Variants in SYN2 observed in about 807,000 individuals in gnomAD.
SYN2 encodes synapsin-2.
Under a neutral mutation model 50.9 loss-of-function variants are expected in SYN2, and 19 were observed. The observed-to-expected ratio is 0.37, with a 90% CI of 0.26 to 0.55. The LOEUF (loss-of-function observed/expected upper bound fraction) is 0.55, where lower values mean the gene tolerates loss of function less well. Ranked by LOEUF, SYN2 falls within the 20% of genes least tolerant of loss-of-function variation. SYN2 has a pLI of 0.81. For synonymous variants in SYN2, 255 were observed against 224.9 expected (o/e 1.13, Z -1.20); for missense variants, 587 against 576.4 (o/e 1.02, Z -0.19).
At chr3:12,188,441 G>T (rs1157958528) in intron 12 of SYN2, among the ~76,000 whole-genome samples, 7 of 152,182 alleles carry the variant, frequency 4.6e-5, no homozygotes, top group African/African-American at 1.2e-4. Flanking sequence ...GTAGCCTTAG[G>T]GGGATGGTAA....
intron 1 of SYN2, among the ~76,000 whole-genome samples, chr3:12,120,782 A>G (rs1367721201): frequency 2.0e-5 from 3 of 152,100 alleles, no homozygotes; most frequent in Admixed American, 6.5e-5. Flanking sequence ...CTACCTCTAT[A>G]TTTTATTTCC....
chr3:12,048,374 G>A (rs1401432933), intron 1 of SYN2, among the ~76,000 whole-genome samples: 1 of 152,104 alleles, frequency 6.6e-6, no homozygotes, highest in Non-Finnish European at 1.5e-5. Flanking sequence ...TGCCATGTTG[G>A]CCAGGCTGGT....
At chr3:12,010,449 T>C (rs1055191391) in intron 1 of SYN2, among the ~76,000 whole-genome samples, 1 of 152,224 alleles carries the variant, frequency 6.6e-6, no homozygotes, top group African/African-American at 2.4e-5. Context: ...GACAGGCATT[T>C]AAAGAGGATT....
intron 1 of SYN2, among the ~76,000 whole-genome samples, chr3:12,096,027 C>T (rs895976417): frequency 2.0e-5 from 3 of 152,154 alleles, no homozygotes; most frequent in Non-Finnish European, 4.4e-5. Flanking sequence ...ATAAATAGTA[C>T]AACCATCAAC....
At chr3:12,160,336 GTTC>G (rs1273998500) in intron 5 of SYN2, among the ~76,000 whole-genome samples, 2 of 152,138 alleles carry the variant, frequency 1.3e-5, no homozygotes, top group African/African-American at 2.4e-5. Context: ...GCCCTTTGAA[GTTC>G]TTCTTCCCAT....
At chr3:12,050,711 C>CTTTTTTTTTTTTGTT (rs1694839372) in intron 1 of SYN2, among the ~76,000 whole-genome samples, 1 of 50,528 alleles carries the variant, frequency 2.0e-5, no homozygotes, top group Non-Finnish European at 4.6e-5. Flanking sequence ...CTTCTCTTCT[C>CTTTTTTTTTTTTGTT]TTTTTTTTTT....
At chr3:12,181,394 G>A (rs1208598969) in intron 10 of SYN2, among the ~76,000 whole-genome samples, 1 of 152,212 alleles carries the variant, frequency 6.6e-6, no homozygotes, top group Non-Finnish European at 1.5e-5. Flanking sequence ...GACCATGAGA[G>A]GCTGTGGTGT....
At chr3:12,018,033 T>C (rs1475442252) in intron 1 of SYN2, among the ~76,000 whole-genome samples, 1 of 152,214 alleles carries the variant, frequency 6.6e-6, no homozygotes, top group African/African-American at 2.4e-5. Flanking sequence ...GGTGCAGTAC[T>C]AATACTATTC....
chr3:12,152,571 A>G (rs1697330053), intron 5 of SYN2, among the ~76,000 whole-genome samples: 1 of 152,074 alleles, frequency 6.6e-6, no homozygotes, highest in Non-Finnish European at 1.5e-5. Flanking sequence ...TATATTCCCT[A>G]CCTACCGTGC....
rs576380993 is a variant in SYN2, at chr3:12,151,255, A to G, written c.703A>G (p.Ile235Val). 3.7e-5 allele frequency: 59 copies of G among 1,612,966 alleles called. No homozygotes were observed. The African/African-American group carries it at 6.1e-4, about 17-fold the overall frequency. Residue 235 changes from isoleucine (I) to valine (V), a missense_variant, in exon 5 of 13, where the codon ATC becomes GTC. Ile to Val is a conservative substitution (Grantham distance 29). Coordinates refer to ENST00000621198, the MANE Select transcript of SYN2 (RefSeq NM_133625.6). ...TTTGCAGTTTGCCCAGCTGGTCGCT[A>G]TCTATAAGACACTGGGAGGAGAAAA... ...KPWVFAQLVA[I>V]YKTLGGEKFP...
rs308968 is a variant in SYN2, at chr3:12,135,507, C to G, written c.378-5144C>G. Reference sequence around the variant, plus strand: ...AAGTCTTTTCCTCCCTAAATGCCTTCTGGAGTATGTGAATCCATCTTCAGT... The same window carrying G: ...AAGTCTTTTCCTCCCTAAATGCCTTGTGGAGTATGTGAATCCATCTTCAGT... On this transcript the variant is annotated intron_variant, in intron 1 of 12. Transcript: ENST00000621198. 5.9e-3 allele frequency among the ~76,000 whole-genome samples: 901 copies of G among 152,306 alleles called. 4 individuals are homozygous for G. The Middle Eastern group carries it at 0.061, about 10-fold the overall frequency.
intron 1 of SYN2, among the ~76,000 whole-genome samples, chr3:12,103,380 G>A (rs932667809): frequency 5.9e-5 from 9 of 152,128 alleles, no homozygotes; most frequent in African/African-American, 2.2e-4. Flanking sequence ...AACATTGTTT[G>A]TATGAAATAA....
At chr3:12,052,356 G>A (rs1487487662) in intron 1 of SYN2, among the ~76,000 whole-genome samples, 1 of 151,890 alleles carries the variant, frequency 6.6e-6, no homozygotes, top group African/African-American at 2.4e-5. Flanking sequence ...TAGCACTTAG[G>A]AGAGACATGT....
intron 1 of SYN2, among the ~76,000 whole-genome samples, chr3:12,026,962 A>G (rs1290668689): frequency 6.6e-6 from 1 of 152,134 alleles, no homozygotes; most frequent in East Asian, 1.9e-4. Context: ...GGTTTACACT[A>G]ATTTCTTCTT....
intron 3 of SYN2, among the ~76,000 whole-genome samples, chr3:12,143,662 A>C (rs1193640276): frequency 6.6e-6 from 1 of 152,064 alleles, no homozygotes; most frequent in Non-Finnish European, 1.5e-5. Flanking sequence ...TGTATGCTAT[A>C]TATATTTTCT....
chr3:12,015,330 C>G (rs1481078713), intron 1 of SYN2, among the ~76,000 whole-genome samples: 1 of 152,194 alleles, frequency 6.6e-6, no homozygotes, highest in East Asian at 1.9e-4. Context: ...TCCCCAACAC[C>G]TCACTTTCGA....
intron 1 of SYN2, among the ~76,000 whole-genome samples, chr3:12,005,306 G>C (rs1054649408): frequency 3.2e-4 from 49 of 152,228 alleles, no homozygotes; most frequent in African/African-American, 1.1e-3. Context: ...GGAGGCCGAA[G>C]GAACATTTAG....
chr3:12,043,024 C>CTTTT (rs761348593), intron 1 of SYN2, among the ~76,000 whole-genome samples: 1 of 145,526 alleles, frequency 6.9e-6, no homozygotes. Context: ...TCTCTTTTCT[C>CTTTT]TTTTTTTTTT....
intron 11 of SYN2, chr3:12,183,632 A>G: frequency 7.0e-7 from 1 of 1,424,296 alleles, no homozygotes; most frequent in Non-Finnish European, 9.1e-7. Context: ...CGTGCTTGTA[A>G]TGCTCACTTA....
Sources: allele counts gnomAD v4.1 joint callset (sites outside exome capture counted in the v4.1 genomes callset), GRCh38; gene constraint gnomAD v4.1.1; transcripts MANE v1.5; gene names NCBI Gene and HGNC (gene_info 2026-07-23, HGNC 2026-07-21).